COL25A1: variants seen among roughly 807,000 people sequenced by gnomAD.
The protein encoded by COL25A1 is collagen alpha-1(XXV) chain.
Under a neutral mutation model 128.4 loss-of-function variants are expected in COL25A1, and 103 were observed. The observed-to-expected ratio is 0.80, with a 90% CI of 0.68 to 0.94. The LOEUF is 0.94. Ranked by LOEUF, COL25A1 falls within the 40% of genes least tolerant of loss-of-function variation. COL25A1 has a pLI of 0.00. For synonymous variants in COL25A1, 279 were observed against 277.2 expected (o/e 1.01, Z -0.06); for missense variants, 745 against 840.0 (o/e 0.89, Z 1.40).
chr4:109,027,374 G>A (rs1243658043), intron 5 of COL25A1, among the ~76,000 whole-genome samples: 1 of 152,134 alleles, frequency 6.6e-6, no homozygotes, highest in Non-Finnish European at 1.5e-5. Context: ...AACTGACAGT[G>A]CGTCTGGACT....
intron 5 of COL25A1, among the ~76,000 whole-genome samples, chr4:109,015,235 T>C (rs1357374336): frequency 1.3e-5 from 2 of 152,222 alleles, no homozygotes; most frequent in East Asian, 1.9e-4. Context: ...AGTAGCTTGA[T>C]TAATACAAAT....
intron 6 of COL25A1, among the ~76,000 whole-genome samples, chr4:108,975,425 C>T (rs1752345718): frequency 6.6e-6 from 1 of 152,226 alleles, no homozygotes; most frequent in African/African-American, 2.4e-5. Flanking sequence ...CACTGCACTC[C>T]AGCCTGGACA....
chr4:108,866,821 C>T (rs943975192), intron 20 of COL25A1, among the ~76,000 whole-genome samples: 8 of 152,030 alleles, frequency 5.3e-5, no homozygotes, highest in Admixed American at 3.3e-4. Context: ...CAAATAATAC[C>T]GATGATGTGT....
At chr4:109,049,315 A>G (rs1411626823) in intron 4 of COL25A1, among the ~76,000 whole-genome samples, 1 of 152,208 alleles carries the variant, frequency 6.6e-6, no homozygotes, top group Non-Finnish European at 1.5e-5. Context: ...TAATGGCCTG[A>G]TAAGACTTTA....
At chr4:109,031,984 A>G (rs1290661868) in intron 5 of COL25A1, among the ~76,000 whole-genome samples, 1 of 152,212 alleles carries the variant, frequency 6.6e-6, no homozygotes, top group Admixed American at 6.5e-5. Context: ...GCCTTAAAAT[A>G]TAGGTATTGA....
intron 3 of COL25A1, among the ~76,000 whole-genome samples, chr4:109,101,160 G>A (rs1421700922): frequency 6.6e-6 from 1 of 152,128 alleles, no homozygotes; most frequent in East Asian, 1.9e-4. Context: ...AATTGTCTTG[G>A]CCAATTTGAA....
chr4:109,125,528 G>A (rs1023690633), intron 3 of COL25A1, among the ~76,000 whole-genome samples: 1 of 152,132 alleles, frequency 6.6e-6, no homozygotes, highest in Admixed American at 6.6e-5. Context: ...CTTAAACCAA[G>A]TATTTCTAGA....
chr4:108,840,898 GT>G (rs1734366679), intron 31 of COL25A1, among the ~76,000 whole-genome samples: 1 of 152,188 alleles, frequency 6.6e-6, no homozygotes, highest in African/African-American at 2.4e-5. Context: ...TGTAAGGTGA[GT>G]TACCCAGTTG....
rs1760616921 is a variant in COL25A1, at chr4:109,048,086, T to C, written c.420+82A>G. 3.5e-6 allele frequency: 5 copies of C among 1,412,470 alleles called. No homozygotes were observed. In the South Asian group the frequency reaches 5.8e-5, roughly 16 times the overall value. The allele number at this position is 1,412,470 out of a possible 1,614,324, so 87.5% of individuals were successfully genotyped here. A position where few individuals can be genotyped will look rare whatever the true frequency, so the allele number is the denominator to read the frequency against. On this transcript the variant is annotated intron_variant, in intron 5 of 37. Coordinates refer to ENST00000399132, the MANE Select transcript of COL25A1 (RefSeq NM_198721.4). The stretch of plus-strand genomic sequence containing the variant: ...ACATTTTTCTAATAGACATAGAGAC[T>C]ATATTTTGGTGTTTTAACAAAGTTT...
intron 14 of COL25A1, 24 bp downstream of exon 14, chr4:108,901,095 C>T (rs1337961411): frequency 1.3e-6 from 2 of 1,577,790 alleles, no homozygotes; most frequent in East Asian, 4.5e-5. Context: ...TCAAATGATT[C>T]TGCTTGGCTT....
chr4:109,067,031 C>T (rs1371265802), intron 3 of COL25A1, among the ~76,000 whole-genome samples: 1 of 152,188 alleles, frequency 6.6e-6, no homozygotes, highest in East Asian at 1.9e-4. Flanking sequence ...AAATTATTCT[C>T]ATTCTTACAC....
At chr4:108,968,598 T>C (rs1022301879) in intron 8 of COL25A1, among the ~76,000 whole-genome samples, 1 of 152,036 alleles carries the variant, frequency 6.6e-6, no homozygotes, top group African/African-American at 2.4e-5. Context: ...ACTCCGTAAG[T>C]GTGAGTATTT....
intron 24 of COL25A1, among the ~76,000 whole-genome samples, chr4:108,858,913 G>A (rs1340405239): frequency 3.3e-5 from 5 of 152,164 alleles, no homozygotes; most frequent in Non-Finnish European, 7.4e-5. Context: ...CAGGGGCGAT[G>A]AGTCCAGTGG....
intron 3 of COL25A1, among the ~76,000 whole-genome samples, chr4:109,254,410 C>G (rs1780906282): frequency 7.0e-6 from 1 of 143,530 alleles, no homozygotes; most frequent in Non-Finnish European, 1.5e-5. Flanking sequence ...GAGCAGTTTC[C>G]TGTGGCCTGC....
intron 3 of COL25A1, among the ~76,000 whole-genome samples, chr4:109,188,166 A>G (rs564250630): frequency 1.3e-5 from 2 of 152,266 alleles, no homozygotes; most frequent in South Asian, 4.1e-4. Flanking sequence ...CTCCCCTACC[A>G]TCTCTTTTTG....
chr4:109,098,889 T>A (rs1325554071), intron 3 of COL25A1, among the ~76,000 whole-genome samples: 2 of 152,214 alleles, frequency 1.3e-5, no homozygotes, highest in Admixed American at 1.3e-4. Flanking sequence ...ATTAAAAGCA[T>A]GGATTTTGAA....
intron 6 of COL25A1, among the ~76,000 whole-genome samples, chr4:108,985,509 A>G (rs1753584168): frequency 6.6e-6 from 1 of 152,154 alleles, no homozygotes; most frequent in Non-Finnish European, 1.5e-5. Context: ...TCATATTTTT[A>G]CGGTCTGTTT....
intron 19 of COL25A1, among the ~76,000 whole-genome samples, chr4:108,873,086 T>C (rs1032557894): frequency 6.6e-6 from 1 of 152,028 alleles, no homozygotes; most frequent in Non-Finnish European, 1.5e-5. Context: ...AGAGACTAGG[T>C]CTTGCTATGT....
chr4:108,924,158 C>A (rs189257186), intron 11 of COL25A1, among the ~76,000 whole-genome samples: 72 of 152,200 alleles, frequency 4.7e-4, no homozygotes, highest in African/African-American at 1.6e-3. Context: ...AATTCTGCAT[C>A]ATGAATATAA....
Sources: gnomAD v4.1 joint callset for allele counts (sites outside exome capture counted in the v4.1 genomes callset) on GRCh38, gnomAD v4.1.1 for gene constraint, MANE v1.5 for transcripts, NCBI Gene and HGNC (gene_info 2026-07-23, HGNC 2026-07-21) for gene names.